FGF14: variants seen among roughly 807,000 people sequenced by gnomAD.
The protein encoded by FGF14 is fibroblast growth factor homologous factor 4.
FGF14 carries 5 observed loss-of-function variants against 25.5 expected under a neutral mutation model. That is an observed-to-expected ratio of 0.20 (90% CI 0.10 to 0.41). The LOEUF (loss-of-function observed/expected upper bound fraction) is 0.41, where lower values mean the gene tolerates loss of function less well. FGF14 is among the 10% of genes least tolerant of loss of function. The probability of loss-of-function intolerance (pLI) is 1.00; values close to 1 mark genes in which losing one functional copy is unlikely to be tolerated. For missense variants in FGF14, 222 were observed against 320.1 expected (o/e 0.69, Z 2.34); for synonymous variants, 138 against 118.3 (o/e 1.17, Z -1.08).
intron 1 of FGF14, among the ~76,000 whole-genome samples, chr13:102,068,786 C>A (rs59125430): frequency 0.021 from 3,256 of 152,292 alleles, 108 homozygotes; most frequent in African/African-American, 0.072. Context: ...GCGGCCCGAG[C>A]CTCCCCGACG....
At chr13:101,842,796 T>G (rs974211463) in intron 3 of FGF14, among the ~76,000 whole-genome samples, 1 of 152,034 alleles carries the variant, frequency 6.6e-6, no homozygotes, top group African/African-American at 2.4e-5. Flanking sequence ...TATTACATCA[T>G]GCATGCCAAT....
chr13:101,733,789 A>G, intron 3 of FGF14, among the ~76,000 whole-genome samples: 1 of 151,830 alleles, frequency 6.6e-6, no homozygotes, highest in East Asian at 1.9e-4. Flanking sequence ...GGCAGTAAAA[A>G]TATTTCTCAA....
chr13:102,168,076 T>G (rs1460226642), intron 1 of FGF14, among the ~76,000 whole-genome samples: 1 of 152,110 alleles, frequency 6.6e-6, no homozygotes, highest in Non-Finnish European at 1.5e-5. Context: ...ACACAGACCA[T>G]GGGTGAAACA....
chr13:101,751,432 G>A (rs1309942435), intron 3 of FGF14, among the ~76,000 whole-genome samples: 1 of 152,104 alleles, frequency 6.6e-6, no homozygotes, highest in Non-Finnish European at 1.5e-5. Context: ...ATGTTGGTCT[G>A]GAGGCAGAAC....
At chr13:102,181,159 CAATT>C (rs1344480922) in intron 1 of FGF14, among the ~76,000 whole-genome samples, 2 of 152,044 alleles carry the variant, frequency 1.3e-5, no homozygotes, top group Middle Eastern at 3.2e-3. Flanking sequence ...TTTTGAATCT[CAATT>C]AAACAGAATG....
intron 1 of FGF14, among the ~76,000 whole-genome samples, chr13:102,068,764 A>C (rs940154476): frequency 6.6e-6 from 1 of 152,132 alleles, no homozygotes; most frequent in Non-Finnish European, 1.5e-5. Flanking sequence ...CACCCACTCC[A>C]TGGGCTCCTG....
intron 1 of FGF14, among the ~76,000 whole-genome samples, chr13:102,279,811 T>G (rs1306902498): frequency 1.3e-5 from 2 of 152,214 alleles, no homozygotes; most frequent in East Asian, 1.9e-4. Context: ...ATAAAACCCT[T>G]TGGGAACTCT....
chr13:102,093,844 A>G (rs1454553502), intron 1 of FGF14, among the ~76,000 whole-genome samples: 1 of 150,486 alleles, frequency 6.6e-6, no homozygotes, highest in Non-Finnish European at 1.5e-5. Flanking sequence ...GAGAGAGGAG[A>G]GGAGATAAGA....
intron 1 of FGF14, among the ~76,000 whole-genome samples, chr13:102,260,608 A>AT (rs2052672588): frequency 1.3e-5 from 2 of 152,254 alleles, no homozygotes; most frequent in South Asian, 4.1e-4. Flanking sequence ...TGCTATCGCT[A>AT]TCACATTGAC....
intron 1 of FGF14, among the ~76,000 whole-genome samples, chr13:101,883,120 T>C (rs769449718): frequency 6.6e-6 from 1 of 152,156 alleles, no homozygotes; most frequent in Non-Finnish European, 1.5e-5. Context: ...TGGAAATCAG[T>C]GTGAAAATTT....
chr13:101,822,108 T>G (rs987372213), intron 3 of FGF14, among the ~76,000 whole-genome samples: 1 of 152,194 alleles, frequency 6.6e-6, no homozygotes, highest in Admixed American at 6.5e-5. Context: ...GTCATTTGTG[T>G]TGTCTTTTAG....
chr13:102,019,745 A>C (rs747247473), intron 1 of FGF14, among the ~76,000 whole-genome samples: 1 of 152,160 alleles, frequency 6.6e-6, no homozygotes, highest in African/African-American at 2.4e-5. Context: ...ACTTGTACTG[A>C]AGATATGTTC....
intron 1 of FGF14, among the ~76,000 whole-genome samples, chr13:101,882,439 T>A (rs2045758306): frequency 6.6e-6 from 1 of 152,180 alleles, no homozygotes; most frequent in African/African-American, 2.4e-5. Flanking sequence ...ATCAGGATAT[T>A]GCATTAACCA....
intron 1 of FGF14, among the ~76,000 whole-genome samples, chr13:102,326,780 A>G (rs2056467116): frequency 2.7e-5 from 4 of 150,062 alleles, no homozygotes; most frequent in Admixed American, 1.3e-4. Context: ...GGAAGAAAAA[A>G]AAGGAAGGAA....
At chr13:102,075,139 C>G (rs2043306713) in intron 1 of FGF14, among the ~76,000 whole-genome samples, 1 of 152,156 alleles carries the variant, frequency 6.6e-6, no homozygotes, top group Non-Finnish European at 1.5e-5. Flanking sequence ...TAAATCAGCC[C>G]TGTTTGCAGA....
chr13:101,881,532 T>C (rs2045711257), intron 1 of FGF14, among the ~76,000 whole-genome samples: 1 of 152,210 alleles, frequency 6.6e-6, no homozygotes, highest in Non-Finnish European at 1.5e-5. Context: ...AATTATGTAA[T>C]TGCAAAATAC....
chr13:101,771,483 T>C (rs530656306), intron 3 of FGF14, among the ~76,000 whole-genome samples: 1 of 152,198 alleles, frequency 6.6e-6, no homozygotes, highest in Non-Finnish European at 1.5e-5. Context: ...TTTTGTTGAG[T>C]AGTAAGTCTG....
At chr13:102,025,059 C>G (rs909921484) in intron 1 of FGF14, among the ~76,000 whole-genome samples, 2 of 151,296 alleles carry the variant, frequency 1.3e-5, no homozygotes, top group Non-Finnish European at 2.9e-5. Context: ...TATGTCTACT[C>G]TTATGCCATG....
intron 1 of FGF14, among the ~76,000 whole-genome samples, chr13:102,087,205 A>T (rs1280411050): frequency 6.6e-6 from 1 of 152,098 alleles, no homozygotes; most frequent in East Asian, 1.9e-4. Flanking sequence ...AATTCGCAAA[A>T]TTATATACTT....
Sources: allele counts gnomAD v4.1 joint callset (sites outside exome capture counted in the v4.1 genomes callset), GRCh38; gene constraint gnomAD v4.1.1; transcripts MANE v1.5; gene names NCBI Gene and HGNC (gene_info 2026-07-23, HGNC 2026-07-21).